The following CHCHD6 variants were observed in gnomAD, a reference collection of about 807,000 sequenced individuals.
The protein encoded by CHCHD6 is coiled-coil-helix-coiled-coil-helix domain containing 6.
A neutral mutation model predicts 32.3 loss-of-function variants in CHCHD6; 28 were observed. The observed-to-expected ratio is 0.87, with a 90% CI of 0.64 to 1.19. The LOEUF (loss-of-function observed/expected upper bound fraction) is 1.19. Ranked by LOEUF, CHCHD6 falls within the 50% of genes most tolerant of loss-of-function variation. The pLI is 0.00. For missense variants in CHCHD6, 333 were observed against 307.0 expected (o/e 1.08, Z -0.63); for synonymous variants, 122 against 117.5 (o/e 1.04, Z -0.25).
rs1308359496 is a variant in CHCHD6 at position 126,727,134 on chromosome 3, C to G, written c.144C>G (p.Pro48=). The change falls in exon 2 of 8, where the codon CCC becomes CCG. Residue 48 remains proline (P), a synonymous_variant. Coordinates refer to ENST00000290913, the MANE Select transcript of CHCHD6 (RefSeq NM_032343.3). The part of the protein sequence containing the change: ...MKEPSSPPPA[P]TSSTFGLQDG... ...AGCCCAGCTCTCCACCCCCTGCTCC[C>G]ACATCTTCTACCTTTGGCCTTCAAG... 1 of 1,614,148 alleles carries G rather than the reference C, an allele frequency of 6.2e-7. No homozygotes were observed. Among genetic ancestry groups the G allele is most frequent in the Admixed American group, 1.7e-5 (1 of 60,018 alleles).
chr3:126,949,523 G>A (rs116850805), intron 6 of CHCHD6: 5,042 of 177,848 alleles, frequency 0.028, 240 homozygotes, highest in East Asian at 0.18. Flanking sequence ...GACTGCCGCC[G>A]TGGACGGAAG....
intron 4 of CHCHD6, among the ~76,000 whole-genome samples, chr3:126,830,714 A>G (rs186610629): frequency 2.0e-5 from 3 of 152,222 alleles, no homozygotes; most frequent in Admixed American, 1.3e-4. Flanking sequence ...CTTGCAGTCT[A>G]CTTTTAACAT....
At chr3:126,735,131 C>T (rs565199534) in intron 4 of CHCHD6, among the ~76,000 whole-genome samples, 13 of 152,082 alleles carry the variant, frequency 8.5e-5, no homozygotes, top group Non-Finnish European at 1.8e-4. Context: ...GGAGATGACG[C>T]GTTAATCAGT....
chr3:126,832,056 T>C (rs116234655), intron 4 of CHCHD6, among the ~76,000 whole-genome samples: 1,814 of 152,270 alleles, frequency 0.012, 19 homozygotes, highest in Middle Eastern at 0.048. Flanking sequence ...ACTTAACAAT[T>C]ATTCAGCTCT....
At chr3:126,902,003 G>A (rs891917838) in intron 5 of CHCHD6, among the ~76,000 whole-genome samples, 4 of 152,226 alleles carry the variant, frequency 2.6e-5, no homozygotes, top group Admixed American at 6.5e-5. Context: ...AAACAGGAAC[G>A]CGCAAGTTAA....
chr3:126,875,132 T>C (rs2077523372), intron 5 of CHCHD6, among the ~76,000 whole-genome samples: 1 of 152,198 alleles, frequency 6.6e-6, no homozygotes, highest in African/African-American at 2.4e-5. Flanking sequence ...GGCTGCACCA[T>C]CGTGAGACTG....
intron 4 of CHCHD6, among the ~76,000 whole-genome samples, chr3:126,846,295 G>A (rs1941294065): frequency 6.6e-6 from 1 of 152,180 alleles, no homozygotes; most frequent in Admixed American, 6.5e-5. Context: ...ACAAGCAGAG[G>A]CAATTGTTGA....
At chr3:126,771,209 CTTTTTT>C (rs58996472) in intron 4 of CHCHD6, among the ~76,000 whole-genome samples, 80 of 138,884 alleles carry the variant, frequency 5.8e-4, no homozygotes, top group African/African-American at 2.1e-3. Flanking sequence ...TTTTCCTTTT[CTTTTTT>C]TTTTTTTTGA....
chr3:126,747,104 C>T (rs930053390), intron 4 of CHCHD6, among the ~76,000 whole-genome samples: 1 of 152,140 alleles, frequency 6.6e-6, no homozygotes, highest in South Asian at 2.1e-4. Context: ...GCTTCTCTTC[C>T]GAGACAGCCT....
intron 5 of CHCHD6, among the ~76,000 whole-genome samples, chr3:126,913,265 T>C (rs996308379): frequency 7.7e-6 from 1 of 129,166 alleles, no homozygotes; most frequent in African/African-American, 2.9e-5. Flanking sequence ...GTTTCACTTT[T>C]GTCGCCCAGG....
Position 126,914,665 on chromosome 3 carries a change from T to G in CHCHD6, c.496-15T>G, listed in dbSNP as rs2078143509. 6.6e-7 allele frequency: 1 copy of G among 1,524,174 alleles called. No individual in the cohort carries two copies. Among genetic ancestry groups the G allele is most frequent in the Admixed American group, 1.7e-5 (1 of 59,872 alleles). The allele number at this position is 1,524,174 out of a possible 1,614,324, so 94.4% of individuals were successfully genotyped here. On this transcript the variant is annotated splice_polypyrimidine_tract_variant and intron_variant, in intron 5 of 7. Transcript: ENST00000290913. ...TTTCAGTCTTTGGTAACCAATTCTGTTTTTCTCCTTGTAGAATGCTGAGAT... is the reference window on the plus strand; with the variant it reads ...TTTCAGTCTTTGGTAACCAATTCTGGTTTTCTCCTTGTAGAATGCTGAGAT...
chr3:126,835,594 C>T (rs937746859), intron 4 of CHCHD6, among the ~76,000 whole-genome samples: 5 of 152,198 alleles, frequency 3.3e-5, no homozygotes, highest in Non-Finnish European at 7.3e-5. Context: ...CTGTTCTCTG[C>T]AAGGAACTAT....
intron 5 of CHCHD6, among the ~76,000 whole-genome samples, chr3:126,883,221 C>T (rs1205975645): frequency 6.6e-6 from 1 of 152,174 alleles, no homozygotes; most frequent in Non-Finnish European, 1.5e-5. Context: ...ACTGGTACAC[C>T]TCTGTGTTTC....
chr3:126,857,682 T>C (rs912308828), intron 5 of CHCHD6, among the ~76,000 whole-genome samples: 1 of 151,854 alleles, frequency 6.6e-6, no homozygotes, highest in Non-Finnish European at 1.5e-5. Flanking sequence ...GGAAAAGGAG[T>C]GGTCAGCAAA....
intron 6 of CHCHD6, among the ~76,000 whole-genome samples, chr3:126,939,618 C>A (rs1268644587): frequency 6.6e-6 from 1 of 152,220 alleles, no homozygotes; most frequent in African/African-American, 2.4e-5. Context: ...TGACTTGTGA[C>A]AGTGTGGAAA....
At position 126,914,526 on chromosome 3, in the gene CHCHD6, G is replaced by T. The variant is rs142051805; in HGVS notation, c.496-154G>T. 5.3e-3 allele frequency among the ~76,000 whole-genome samples: 808 copies of T among 152,352 alleles called. 4 individuals carry two copies. The highest frequency in any genetic ancestry group is 0.02 in the Middle Eastern group (6 of 294). On this transcript the variant is annotated intron_variant, in intron 5 of 7. Transcript: ENST00000290913. ...GATTCTGTAGCAGCAGCCATGCGTG[G>T]TGGAGCTGGAACCCAAGGTGTGGAT... is the stretch of plus-strand genomic sequence containing the variant.
intron 5 of CHCHD6, among the ~76,000 whole-genome samples, chr3:126,903,450 C>T (rs952153077): frequency 6.6e-6 from 1 of 152,192 alleles, no homozygotes; most frequent in Non-Finnish European, 1.5e-5. Flanking sequence ...TAGCAATCCA[C>T]ACCATCAAGA....
intron 4 of CHCHD6, among the ~76,000 whole-genome samples, chr3:126,755,168 A>C (rs1936902779): frequency 6.6e-6 from 1 of 152,246 alleles, no homozygotes; most frequent in Non-Finnish European, 1.5e-5. Context: ...CAAAGAAATC[A>C]GAGTTGAGAA....
intron 5 of CHCHD6, chr3:126,854,987 G>A (rs1334908946): frequency 2.0e-5 from 3 of 152,202 alleles, no homozygotes; most frequent in Non-Finnish European, 2.9e-5. Flanking sequence ...TCATTTTCAA[G>A]GAGGAAGAGA....
Sources: allele counts gnomAD v4.1 joint callset (sites outside exome capture counted in the v4.1 genomes callset), GRCh38; gene constraint gnomAD v4.1.1; transcripts MANE v1.5; gene names NCBI Gene and HGNC (gene_info 2026-07-23, HGNC 2026-07-21).